Variants in PDE6B observed in about 807,000 individuals in gnomAD.
The protein encoded by PDE6B is phosphodiesterase 6B, also known as rod cGMP-specific 3',5'-cyclic phosphodiesterase subunit beta.
A neutral mutation model predicts 109.0 loss-of-function variants in PDE6B; 106 were observed. The ratio of observed to expected loss-of-function variants is 0.97; its 90% CI spans 0.83 to 1.14. The LOEUF (loss-of-function observed/expected upper bound fraction) is 1.14. Ranked by LOEUF, PDE6B falls within the 50% of genes most tolerant of loss-of-function variation. The probability of loss-of-function intolerance (pLI) is 0.00; values close to 1 mark genes in which losing one functional copy is unlikely to be tolerated. For missense variants in PDE6B, 1,193 were observed against 1,155.6 expected (o/e 1.03, Z -0.47); for synonymous variants, 490 against 471.3 (o/e 1.04, Z -0.51).
At chr4:651,919 C>A in intron 3 of PDE6B, 1 of 138,450 alleles carries the variant, frequency 7.2e-6, no homozygotes, top group South Asian at 2.2e-4. Flanking sequence ...GTGGGACATA[C>A]TCAGATAGGG....
intron 17 of PDE6B, among the ~76,000 whole-genome samples, 155 bp from the exon 18 acceptor site, chr4:664,726 G>A (rs1049587876): frequency 6.6e-6 from 1 of 150,928 alleles, no homozygotes; most frequent in East Asian, 1.9e-4. Context: ...TGAGGCACAA[G>A]AATCGGGAGG....
rs774364862 is a variant in PDE6B at position 653,918 on chromosome 4, G to T, written c.778G>T (p.Ala260Ser). 1.2e-5 allele frequency: 20 copies of T among 1,613,840 alleles called. No homozygotes were observed. The highest frequency in any genetic ancestry group is 1.5e-5 in the Non-Finnish European group (18 of 1,180,020). The change falls in exon 4 of 22, where the codon GCC (alanine) becomes TCC (serine). Residue 260 changes from alanine to serine, a missense_variant. By Grantham distance (99) the Ala-to-Ser change is moderately conservative. Coordinates refer to ENST00000496514, the MANE Select transcript of PDE6B (RefSeq NM_000283.4). ...GGACATCGAGAGGCAGTTCCACAAGGCCTTCTACACGGTGCGGGCCTACCT... is the reference window on the plus strand; with the variant it reads ...GGACATCGAGAGGCAGTTCCACAAGTCCTTCTACACGGTGCGGGCCTACCT... ...LTDIERQFHK[A>S]FYTVRAYLNC...
Position 662,294 on chromosome 4 carries a change from G to A in PDE6B, c.1722+53G>A. Reference sequence around the variant, plus strand: ...TGTGCAGGCCCTCCTGGTACCAAGGGCAGCACTCAAGCACCCCGAGGGATG... The same window carrying A: ...TGTGCAGGCCCTCCTGGTACCAAGGACAGCACTCAAGCACCCCGAGGGATG... On this transcript the variant is annotated intron_variant, in intron 13 of 21. Coordinates refer to ENST00000496514, the MANE Select transcript of PDE6B (RefSeq NM_000283.4). This position sits in a 1 kb window ranked among gnomAD's most constrained non-coding sequence, Gnocchi z 4.3. The A allele has an allele frequency of 9.2e-7, 1 of 1,085,738 alleles. No homozygotes were observed. Among genetic ancestry groups the A allele is most frequent in the Non-Finnish European group, 1.4e-6 (1 of 723,176 alleles). 67.3% of individuals were successfully genotyped at this position (1,085,738 alleles called of 1,614,324 possible). A position where few individuals can be genotyped will look rare whatever the true frequency, so the allele number is the denominator to read the frequency against.
chr4:654,638 C>A (rs1054723146), intron 5 of PDE6B, 186 bp from the exon 6 acceptor site: 3 of 675,824 alleles, frequency 4.4e-6, no homozygotes, highest in Admixed American at 2.0e-5. Flanking sequence ...GGTGTGAGTG[C>A]ACCCGCATTC....
At chr4:655,803 CCT>C (rs1261308653) in intron 6 of PDE6B, 135 bp from the exon 7 acceptor site, 16 of 731,804 alleles carry the variant, frequency 2.2e-5, no homozygotes, top group Non-Finnish European at 3.5e-5. Flanking sequence ...CAGACCAGCC[CCT>C]CTGACCCCTG....
rs141270814 is a variant in PDE6B at position 636,249 on chromosome 4, C to A, written c.711+280C>A. 3.8e-4 allele frequency among the ~76,000 whole-genome samples: 58 copies of A among 152,336 alleles called. No homozygotes were observed. The highest frequency in any genetic ancestry group is 1.3e-3 in the African/African-American group (56 of 41,576). On this transcript the variant is annotated intron_variant, in intron 3 of 21. Coordinates refer to ENST00000496514, the MANE Select transcript of PDE6B (RefSeq NM_000283.4). The surrounding 1 kb of genome is among the most constrained non-coding windows in gnomAD (Gnocchi z 4.5). ...ACCTTTCCTAGAGGCTGCCCCCAAC[C>A]TCCTTGGGAGAAGCCAGTATGAGTG... is the stretch of plus-strand genomic sequence containing the variant.
intron 11 of PDE6B, among the ~76,000 whole-genome samples, chr4:659,751 G>A (rs886544554): frequency 4.6e-5 from 7 of 150,554 alleles, no homozygotes; most frequent in Non-Finnish European, 5.9e-5. Context: ...CATGTGCACA[G>A]GGGGTGTGTA....
chr4:664,821 T>C (rs1294294868), intron 17 of PDE6B, 60 bp from the exon 18 acceptor site: 15 of 1,334,456 alleles, frequency 1.1e-5, no homozygotes, highest in Non-Finnish European at 1.6e-5. Context: ...AGAAAACACA[T>C]ATAAACCACC....
intron 1 of PDE6B, 127 bp from the exon 2 acceptor site, chr4:634,550 C>A (rs1225875448): frequency 2.4e-6 from 2 of 830,748 alleles, no homozygotes; most frequent in African/African-American, 3.3e-5. Context: ...CAGTGCCCAG[C>A]AGGGCCCCTG....
rs889874264 is a variant in PDE6B at position 663,028 on chromosome 4, G to A, written c.1833-72G>A. 4 of 864,522 alleles carry A rather than the reference G, an allele frequency of 4.6e-6. No individual in the cohort carries two copies. Among genetic ancestry groups the A allele is most frequent in the Admixed American group, 1.7e-5 (1 of 58,792 alleles). 53.6% of individuals were successfully genotyped at this position (864,522 alleles called of 1,614,324 possible). ...AAAAAAAAGAAAGTGGGGCCCATCT[G>A]GGGGGGCTGCAGAGCGCAGGGTGGG... On this transcript the variant is annotated intron_variant, in intron 14 of 21. Coordinates refer to ENST00000496514, the MANE Select transcript of PDE6B (RefSeq NM_000283.4). The surrounding 1 kb of genome is among the most constrained non-coding windows in gnomAD (Gnocchi z 4.0).
At position 648,890 on chromosome 4, in the gene PDE6B, G is replaced by A. The variant is rs1227447589; in HGVS notation, c.712-4962G>A. On this transcript the variant is annotated intron_variant, in intron 3 of 21. Transcript: ENST00000496514. This position sits in a 1 kb window ranked among gnomAD's most constrained non-coding sequence, Gnocchi z 4.5. ...GAGGAGGTGCCCCGACTCAGGTCAGGCATGGGAGGAGCGGGGGAGCCTTCT... is the reference window on the plus strand; with the variant it reads ...GAGGAGGTGCCCCGACTCAGGTCAGACATGGGAGGAGCGGGGGAGCCTTCT... Among the ~76,000 whole-genome samples, 1 of 152,260 alleles carries A rather than the reference G, an allele frequency of 6.6e-6. No individual in the cohort carries two copies. The highest frequency in any genetic ancestry group is 1.5e-5 in the Non-Finnish European group (1 of 68,044).
chr4:664,261 G>A (rs764591846), intron 17 of PDE6B, 40 bp downstream of exon 17: 5 of 1,115,276 alleles, frequency 4.5e-6, no homozygotes, highest in Non-Finnish European at 6.9e-6. Context: ...TCCTTCCCTC[G>A]CAGGGACCGG....
rs201367447 is a variant in PDE6B at position 654,800 on chromosome 4, C to T, written c.928-24C>T. The T allele has an allele frequency of 5.6e-4, 747 of 1,330,580 alleles. 1 individual carries two copies. Among genetic ancestry groups the T allele is most frequent in the Admixed American group, 9.1e-4 (54 of 59,376 alleles). 82.4% of individuals were successfully genotyped at this position (1,330,580 alleles called of 1,614,324 possible). A position where few individuals can be genotyped will look rare whatever the true frequency, so the allele number is the denominator to read the frequency against. The stretch of plus-strand genomic sequence containing the variant: ...CTCAGAGCTTGGCCAGGCAGCCCCC[C>T]GACCAGTGTCTTCTGCTTCTCAGGA... On this transcript the variant is annotated intron_variant, in intron 5 of 21. Coordinates refer to ENST00000496514, the MANE Select transcript of PDE6B (RefSeq NM_000283.4).
rs146163001 is a variant in PDE6B at position 646,624 on chromosome 4, G to A, written c.712-7228G>A. The stretch of plus-strand genomic sequence containing the variant: ...CCTTCTGTATTTGTCTCTCTGCTCC[G>A]CTCGCTCCGCTCGTGGTTCCCTCTG... On this transcript the variant is annotated intron_variant, in intron 3 of 21. Coordinates refer to ENST00000496514, the MANE Select transcript of PDE6B (RefSeq NM_000283.4). Among the ~76,000 whole-genome samples, 1,348 of 152,022 alleles carry A rather than the reference G, an allele frequency of 8.9e-3. 37 individuals are homozygous for A. Among genetic ancestry groups the A allele is most frequent in the African/African-American group, 0.031 (1,278 of 41,348 alleles).
intron 10 of PDE6B, among the ~76,000 whole-genome samples, chr4:658,446 G>A (rs1177678976): frequency 3.3e-5 from 5 of 150,858 alleles, no homozygotes; most frequent in African/African-American, 4.9e-5. Context: ...TGGCTGTGCG[G>A]TGGGGGCAGG....
intron 21 of PDE6B, among the ~76,000 whole-genome samples, chr4:668,584 C>T (rs1156283366): frequency 2.4e-5 from 3 of 125,122 alleles, no homozygotes; most frequent in African/African-American, 3.4e-5. Flanking sequence ...AGTACCACTA[C>T]CCCATGCTAT....
Position 663,266 on chromosome 4 carries a change from G to A in PDE6B, c.1920+79G>A. 1.2e-6 allele frequency: 1 copy of A among 859,716 alleles called. No homozygotes were observed. The highest frequency in any genetic ancestry group is 2.0e-6 in the Non-Finnish European group (1 of 494,054). 53.3% of individuals were successfully genotyped at this position (859,716 alleles called of 1,614,324 possible). A position where few individuals can be genotyped will look rare whatever the true frequency, so the allele number is the denominator to read the frequency against. On this transcript the variant is annotated intron_variant, in intron 15 of 21. Transcript: ENST00000496514. This position sits in a 1 kb window ranked among gnomAD's most constrained non-coding sequence, Gnocchi z 4.0. ...CAGGACGGCAGGGCCGTATCCTGCG[G>A]AGCAGGGTTCTGATGCAGCGGGTGA...
chr4:649,682 G>T (rs1268352421), intron 3 of PDE6B, among the ~76,000 whole-genome samples: 1 of 151,746 alleles, frequency 6.6e-6, no homozygotes, highest in African/African-American at 2.4e-5. Context: ...ACCCACAAAG[G>T]CCTGGGGTTG....
chr4:636,193 G>A lies in PDE6B; in HGVS notation c.711+224G>A, dbSNP rs1355936091. On this transcript the variant is annotated intron_variant, in intron 3 of 21. Transcript: ENST00000496514. The surrounding 1 kb of genome is among the most constrained non-coding windows in gnomAD (Gnocchi z 4.5). ...CCTGCCTGCCATCTGGCCAGAGTGGGTGTGAGGCACCTGCAGAGGGGGAAA... is the reference window on the plus strand; with the variant it reads ...CCTGCCTGCCATCTGGCCAGAGTGGATGTGAGGCACCTGCAGAGGGGGAAA... Among the ~76,000 whole-genome samples, 1 of 152,220 alleles carries A rather than the reference G, an allele frequency of 6.6e-6. No individual in the cohort carries two copies. The highest frequency in any genetic ancestry group is 1.5e-5 in the Non-Finnish European group (1 of 68,046).
Sources: allele counts gnomAD v4.1 joint callset (sites outside exome capture counted in the v4.1 genomes callset), GRCh38; gene constraint gnomAD v4.1.1; non-coding constraint Gnocchi (gnomAD v3.1); transcripts MANE v1.5; gene names NCBI Gene and HGNC (gene_info 2026-07-23, HGNC 2026-07-21).